The following PCCA variants were observed in gnomAD, a reference collection of about 807,000 sequenced individuals.
PCCA encodes the protein propionyl-CoA carboxylase alpha chain, mitochondrial.
A neutral mutation model predicts 101.3 loss-of-function variants in PCCA; 74 were observed. That is an observed-to-expected ratio of 0.73 (90% CI 0.61 to 0.89). PCCA has a LOEUF of 0.89. Among genes scored for constraint, PCCA ranks in the 40% least tolerant of loss-of-function variants. The pLI, the probability that PCCA is intolerant of heterozygous loss-of-function variation, is 0.00. For missense variants in PCCA, 891 were observed against 907.0 expected, an observed-to-expected ratio of 0.98 and a Z score of 0.23; for synonymous variants, 294 against 313.6, an observed-to-expected ratio of 0.94 and a Z score of 0.66.
intron 2 of PCCA, among the ~76,000 whole-genome samples, chr13:100,104,107 C>A (rs113251977): frequency 1.3e-5 from 2 of 151,904 alleles, no homozygotes; most frequent in Admixed American, 1.3e-4. Context: ...TCGAAGTGGG[C>A]GGGAGTTTTG....
intron 20 of PCCA, among the ~76,000 whole-genome samples, chr13:100,444,035 G>A (rs1314928659): frequency 6.6e-6 from 1 of 152,030 alleles, no homozygotes; most frequent in African/African-American, 2.4e-5. Context: ...CTTTGTACAA[G>A]ATCTGACCTG....
chr13:100,221,173 T>A (rs2059790269), intron 7 of PCCA, among the ~76,000 whole-genome samples: 1 of 152,246 alleles, frequency 6.6e-6, no homozygotes, highest in Non-Finnish European at 1.5e-5. Context: ...TTGAGGACAG[T>A]ATATTAGTAA....
chr13:100,303,454 C>G (rs768468339), intron 14 of PCCA, among the ~76,000 whole-genome samples: 1 of 152,088 alleles, frequency 6.6e-6, no homozygotes, highest in Non-Finnish European at 1.5e-5. Flanking sequence ...TATTAAACCT[C>G]ATGGACTTTA....
chr13:100,475,737 G>A (rs960141728), intron 21 of PCCA, among the ~76,000 whole-genome samples: 2 of 152,098 alleles, frequency 1.3e-5, no homozygotes, highest in Non-Finnish European at 2.9e-5. Context: ...TTCCAAAGTG[G>A]CTGCACCATT....
At chr13:100,529,764 C>A (rs953618277) in intron 23 of PCCA, among the ~76,000 whole-genome samples, 31 of 152,112 alleles carry the variant, frequency 2.0e-4, no homozygotes, top group African/African-American at 7.2e-4. Context: ...TTAGAACTCA[C>A]CTGGCAGTGA....
intron 6 of PCCA, among the ~76,000 whole-genome samples, chr13:100,188,305 A>AAAACAAAACACAAAACG (rs1555371964): frequency 1.4e-5 from 2 of 146,414 alleles, no homozygotes; most frequent in African/African-American, 5.0e-5. Context: ...AAAACAAAAC[A>AAAACAAAACACAAAACG]AAACAAAACA....
At chr13:100,193,004 C>T (rs887043085) in intron 6 of PCCA, among the ~76,000 whole-genome samples, 12 of 152,100 alleles carry the variant, frequency 7.9e-5, no homozygotes, top group Non-Finnish European at 1.8e-4. Flanking sequence ...AGCCTGCTTC[C>T]GAGAGTGAAA....
At chr13:100,208,650 A>G (rs920649786) in intron 6 of PCCA, among the ~76,000 whole-genome samples, 5 of 151,690 alleles carry the variant, frequency 3.3e-5, no homozygotes, top group Non-Finnish European at 5.9e-5. Flanking sequence ...TTTTTTTTAA[A>G]TTAGAGTGGC....
intron 4 of PCCA, chr13:100,151,203 C>G: frequency 1.6e-6 from 1 of 638,400 alleles, no homozygotes; most frequent in South Asian, 2.1e-5. Context: ...ATGAAAAACA[C>G]ATCTGTTGTT....
At chr13:100,380,540 G>A (rs1298374114) in intron 19 of PCCA, among the ~76,000 whole-genome samples, 1 of 152,088 alleles carries the variant, frequency 6.6e-6, no homozygotes, top group Non-Finnish European at 1.5e-5. Context: ...AAAATATATG[G>A]TCAATTGATC....
chr13:100,484,484 C>T (rs1361232848), intron 21 of PCCA, among the ~76,000 whole-genome samples: 1 of 152,170 alleles, frequency 6.6e-6, no homozygotes, highest in Non-Finnish European at 1.5e-5. Context: ...GTGTTCTGGT[C>T]GCCTCTGCAC....
At chr13:100,316,779 CTT>C (rs376332378) in intron 16 of PCCA, among the ~76,000 whole-genome samples, 1 of 146,160 alleles carries the variant, frequency 6.8e-6, no homozygotes, top group Non-Finnish European at 1.5e-5. Context: ...TAATAGTATT[CTT>C]TTTTTTTTTG....
chr13:100,224,332 C>T (rs963102507), intron 7 of PCCA, among the ~76,000 whole-genome samples: 10 of 152,340 alleles, frequency 6.6e-5, no homozygotes, highest in Admixed American at 4.6e-4. Flanking sequence ...CAGGGCCAGC[C>T]GGCTGCTCCG....
intron 19 of PCCA, among the ~76,000 whole-genome samples, chr13:100,419,389 G>C (rs991170697): frequency 1.2e-4 from 18 of 151,682 alleles, no homozygotes; most frequent in Admixed American, 1.2e-3. Context: ...GGAGAATTGC[G>C]TGAACCTGGG....
chr13:100,233,896 T>C (rs1454928405), intron 7 of PCCA, among the ~76,000 whole-genome samples: 2 of 152,220 alleles, frequency 1.3e-5, no homozygotes, highest in African/African-American at 4.8e-5. Context: ...GTGTCAGATA[T>C]AGATATGGCT....
At chr13:100,360,137 C>T (rs1253278934) in intron 18 of PCCA, among the ~76,000 whole-genome samples, 1 of 151,770 alleles carries the variant, frequency 6.6e-6, no homozygotes, top group African/African-American at 2.4e-5. Context: ...AAGTGGATGG[C>T]AGCAGGCAAA....
chr13:100,295,402 T>C (rs1295756363), intron 12 of PCCA, among the ~76,000 whole-genome samples: 2 of 152,246 alleles, frequency 1.3e-5, no homozygotes, highest in South Asian at 4.1e-4. Flanking sequence ...CAACAAGTTC[T>C]GCTTACAAAA....
intron 21 of PCCA, among the ~76,000 whole-genome samples, chr13:100,509,414 G>A (rs1594072886): frequency 6.6e-6 from 1 of 152,182 alleles, no homozygotes; most frequent in Non-Finnish European, 1.5e-5. Context: ...CCAGGGGCAC[G>A]TTTATCTGTG....
chr13:100,344,775 AAGGTTTATG>A (rs975389975), intron 18 of PCCA, among the ~76,000 whole-genome samples: 1 of 152,156 alleles, frequency 6.6e-6, no homozygotes, highest in African/African-American at 2.4e-5. Context: ...TTACGGATTG[AAGGTTTATG>A]GCAACCCTGC....
Sources: allele counts gnomAD v4.1 joint callset (sites outside exome capture counted in the v4.1 genomes callset), GRCh38; gene constraint gnomAD v4.1.1; transcripts MANE v1.5; gene names NCBI Gene and HGNC (gene_info 2026-07-23, HGNC 2026-07-21).